Variants in GPD2 observed in about 807,000 individuals in gnomAD.
GPD2 encodes the protein glycerol-3-phosphate dehydrogenase, mitochondrial.
GPD2 carries 54 observed loss-of-function variants against 82.4 expected under a neutral mutation model. That is an observed-to-expected ratio of 0.66 (90% confidence interval 0.53 to 0.82). The LOEUF is 0.82. Among genes scored for constraint, GPD2 ranks in the 40% least tolerant of loss-of-function variants. GPD2 has a pLI of 0.00. For missense variants in GPD2, 748 were observed against 896.2 expected (o/e 0.83, Z 2.11); for synonymous variants, 288 against 306.1 (o/e 0.94, Z 0.62).
At chr2:156,519,210 T>G (rs9808437) in intron 6 of GPD2, among the ~76,000 whole-genome samples, 3,062 of 151,512 alleles carry the variant, frequency 0.02, 92 homozygotes, top group African/African-American at 0.067. Context: ...TTAATTTTTT[T>G]GGGGGGGGGC....
At chr2:156,445,699 A>C (rs1682346463) in intron 1 of GPD2, among the ~76,000 whole-genome samples, 2 of 152,230 alleles carry the variant, frequency 1.3e-5, no homozygotes, top group Admixed American at 1.3e-4. Context: ...GAGATGTATA[A>C]AAATGTATGT....
chr2:156,453,143 C>T lies in GPD2; in HGVS notation c.-9+16630C>T, dbSNP rs145240503. 5.8e-3 allele frequency among the ~76,000 whole-genome samples: 889 copies of T among 152,052 alleles called. 7 individuals carry two copies. Among genetic ancestry groups the T allele is most frequent in the Non-Finnish European group, 1.0e-2 (678 of 67,966 alleles). Reference sequence around the variant, plus strand: ...CCAGTTGTGGTTGCATGTTTTTTTTCCCAGGCAGTTTCTTCAGCTGTTTGG... The same window carrying T: ...CCAGTTGTGGTTGCATGTTTTTTTTTCCAGGCAGTTTCTTCAGCTGTTTGG... On this transcript the variant is annotated intron_variant, in intron 1 of 16. Coordinates refer to ENST00000438166, the MANE Select transcript of GPD2 (RefSeq NM_000408.5).
chr2:156,512,137 T>A (rs1458124344), intron 4 of GPD2, 83 bp from the exon 5 acceptor site: 1 of 778,228 alleles, frequency 1.3e-6, no homozygotes, highest in Non-Finnish European at 2.4e-6. Context: ...TGTGTATCAA[T>A]CAGTTGGCAG....
intron 1 of GPD2, among the ~76,000 whole-genome samples, chr2:156,441,998 C>G (rs1206490543): frequency 6.6e-6 from 1 of 152,052 alleles, no homozygotes; most frequent in Non-Finnish European, 1.5e-5. Context: ...GTATTTTTGA[C>G]AGTGAGATAC....
intron 2 of GPD2, among the ~76,000 whole-genome samples, chr2:156,489,333 G>C (rs889508994): frequency 1.3e-5 from 2 of 152,192 alleles, no homozygotes; most frequent in African/African-American, 4.8e-5. Flanking sequence ...GTGCTAAGCA[G>C]AGAAAACATT....
intron 6 of GPD2, among the ~76,000 whole-genome samples, chr2:156,535,850 G>A (rs1031321172): frequency 1.3e-5 from 2 of 152,190 alleles, no homozygotes; most frequent in African/African-American, 4.8e-5. Flanking sequence ...GGGGAGTGAA[G>A]AATGCCTGGT....
chr2:156,466,916 C>G (rs965424115), intron 1 of GPD2, among the ~76,000 whole-genome samples: 2 of 152,202 alleles, frequency 1.3e-5, no homozygotes, highest in African/African-American at 4.8e-5. Flanking sequence ...CTTCCAGGCT[C>G]CTGCCCTCCT....
At chr2:156,495,547 A>AC in intron 2 of GPD2, 1 of 434,678 alleles carries the variant, frequency 2.3e-6, no homozygotes, top group South Asian at 1.8e-5. Context: ...TAACTTATGT[A>AC]CCCCCAAACT....
chr2:156,419,233 A>G, the GPD2 span, among the ~76,000 whole-genome samples: 3 of 151,168 alleles, frequency 2.0e-5, no homozygotes, highest in Non-Finnish European at 4.4e-5. Context: ...CTAATTTTGT[A>G]TTTTTAGTAG....
chr2:156,584,241 C>T lies in GPD2; in HGVS notation c.*1323C>T, dbSNP rs753889112. 3.9e-5 allele frequency: 6 copies of T among 151,948 alleles called. No homozygotes were observed. The highest frequency in any genetic ancestry group is 5.9e-5 in the Non-Finnish European group (4 of 67,942). 9.4% of individuals were successfully genotyped at this position (151,948 alleles called of 1,614,324 possible). A position where few individuals can be genotyped will look rare whatever the true frequency, so the allele number is the denominator to read the frequency against. ...ACTAGTTATCTGAATATTTATTAAT[C>T]GTACTTCCTCTTGTAAAGTTAACTA... On this transcript the variant is annotated 3_prime_UTR_variant, in exon 17 of 17. Transcript: ENST00000438166.
chr2:156,453,118 C>T (rs1031067088), intron 1 of GPD2, among the ~76,000 whole-genome samples: 1 of 152,034 alleles, frequency 6.6e-6, no homozygotes, highest in African/African-American at 2.4e-5. Flanking sequence ...TAAATTGAGG[C>T]CAGTTGTGGT....
chr2:156,444,430 C>T (rs903904805), intron 1 of GPD2, among the ~76,000 whole-genome samples: 1 of 152,258 alleles, frequency 6.6e-6, no homozygotes, highest in South Asian at 2.1e-4. Flanking sequence ...AATATAGATT[C>T]CGCAGGGGGC....
chr2:156,435,759 G>A (rs1056161929), upstream of GPD2: 3 of 152,418 alleles, frequency 2.0e-5, no homozygotes, highest in Non-Finnish European at 4.4e-5. Context: ...GGGAGGTACA[G>A]AGTAGGAGAA....
chr2:156,541,824 GTTTTTTT>G (rs61067726), intron 6 of GPD2, among the ~76,000 whole-genome samples: 7 of 81,458 alleles, frequency 8.6e-5, no homozygotes, highest in Admixed American at 1.9e-4. Flanking sequence ...AATGCTGTTT[GTTTTTTT>G]TTTTTTTTTT....
chr2:156,497,049 T>G (rs1684410826), intron 3 of GPD2, among the ~76,000 whole-genome samples: 1 of 152,212 alleles, frequency 6.6e-6, no homozygotes, highest in African/African-American at 2.4e-5. Context: ...CTCTTGGATA[T>G]GTTGTGTTTA....
At chr2:156,431,945 G>T (rs1220847004), upstream of GPD2, among the ~76,000 whole-genome samples, 1 of 138,376 alleles carries the variant, frequency 7.2e-6, no homozygotes, top group East Asian at 2.1e-4. Context: ...GGAGTGCAAT[G>T]GCGCAATCTC....
rs1165126295 is a variant in GPD2, at chr2:156,476,163, A to G, written c.58A>G (p.Thr20Ala). ...TCTTGTTGGAGGAGGTGCTCTTGCAACTGTTTTAGGACTTTCTCAGTTTGC... is the reference window on the plus strand; with the variant it reads ...TCTTGTTGGAGGAGGTGCTCTTGCAGCTGTTTTAGGACTTTCTCAGTTTGC... ...TILVGGGALA[T>A]VLGLSQFAHY... is the part of the protein sequence containing the mutation. Residue 20 changes from threonine (T) to alanine (A), a missense_variant, in exon 2 of 17, where the codon ACT becomes GCT. Coordinates refer to ENST00000438166, the MANE Select transcript of GPD2 (RefSeq NM_000408.5). 4 of 1,610,848 alleles carry G rather than the reference A, an allele frequency of 2.5e-6. No homozygotes were observed. The highest frequency in any genetic ancestry group is 3.4e-6 in the Non-Finnish European group (4 of 1,177,022).
Position 156,496,062 on chromosome 2 carries a change from A to G in GPD2, c.121A>G (p.Lys41Glu), listed in dbSNP as rs764884977. The change falls in exon 3 of 17, where the codon AAA becomes GAA. Residue 41 changes from lysine (K) to glutamate (E), a missense_variant. Lys to Glu is a moderately conservative substitution (Grantham distance 56). Around this residue, in one of 3 missense-constraint regions of GPD2, gnomAD observed 692 missense variants for 809.7 expected, o/e 0.85. Transcript: ENST00000438166. Reference sequence around the variant, plus strand: ...ACATCAGATGAACCTGGCCTATGTTAAAGCAGCAGACTGCATTTCAGAACC... The same window carrying G: ...ACATCAGATGAACCTGGCCTATGTTGAAGCAGCAGACTGCATTTCAGAACC... ...RRKQMNLAYV[K>E]AADCISEPVN... 2.5e-5 allele frequency: 41 copies of G among 1,612,748 alleles called. No homozygotes were observed. In the South Asian group the frequency reaches 4.5e-4, roughly 18 times the overall value.
intron 2 of GPD2, among the ~76,000 whole-genome samples, chr2:156,486,245 T>C (rs1683933079): frequency 6.6e-6 from 1 of 152,158 alleles, no homozygotes; most frequent in Non-Finnish European, 1.5e-5. Context: ...GCCCCCAAAG[T>C]GGGGCCATGG....
Sources: allele counts gnomAD v4.1 joint callset (sites outside exome capture counted in the v4.1 genomes callset), GRCh38; gene constraint gnomAD v4.1.1; regional missense constraint gnomAD v4.1.1; transcripts MANE v1.5; gene names NCBI Gene and HGNC (gene_info 2026-07-23, HGNC 2026-07-21).